NELL2: variants seen among roughly 807,000 people sequenced by gnomAD.
NELL2 encodes the protein neural EGFL like 2.
NELL2 carries 41 observed loss-of-function variants against 109.6 expected under a neutral mutation model. The ratio of observed to expected loss-of-function variants is 0.37; its 90% CI spans 0.29 to 0.49. The LOEUF (loss-of-function observed/expected upper bound fraction) is 0.49, where lower values mean the gene tolerates loss of function less well. Among genes scored for constraint, NELL2 ranks in the 20% least tolerant of loss-of-function variants. The pLI, the probability that NELL2 is intolerant of heterozygous loss-of-function variation, is 0.98. For synonymous variants in NELL2, 355 were observed against 344.7 expected (o/e 1.03, Z -0.33); for missense variants, 900 against 1,008.3 (o/e 0.89, Z 1.45).
chr12:44,578,112 TG>T (rs1245416951), intron 15 of NELL2, among the ~76,000 whole-genome samples: 2 of 152,150 alleles, frequency 1.3e-5, no homozygotes, highest in Non-Finnish European at 2.9e-5. Flanking sequence ...TTGAAGTAAA[TG>T]GTTGTTTTAA....
chr12:44,909,085 T>C (rs1169516341), intron 1 of NELL2, among the ~76,000 whole-genome samples: 1 of 151,758 alleles, frequency 6.6e-6, no homozygotes, highest in Non-Finnish European at 1.5e-5. Context: ...GATAGAGCAA[T>C]CAGGCAAGAG....
intron 3 of NELL2, among the ~76,000 whole-genome samples, chr12:44,802,310 G>GA (rs1283538518): frequency 2.6e-5 from 4 of 151,826 alleles, no homozygotes; most frequent in African/African-American, 9.7e-5. Context: ...TATAAATATT[G>GA]AAAAAACAAG....
At chr12:44,687,093 G>GA (rs1948744612) in intron 12 of NELL2, among the ~76,000 whole-genome samples, 3 of 152,208 alleles carry the variant, frequency 2.0e-5, no homozygotes, top group African/African-American at 4.8e-5. Context: ...CCAAGTGGGG[G>GA]ATATAATCTC....
At chr12:44,651,013 G>C (rs544050879) in intron 13 of NELL2, among the ~76,000 whole-genome samples, 1 of 152,366 alleles carries the variant, frequency 6.6e-6, no homozygotes, top group African/African-American at 2.4e-5. Flanking sequence ...GGGCCACACA[G>C]CAGGAGGTGA....
intron 9 of NELL2, among the ~76,000 whole-genome samples, chr12:44,758,200 A>C (rs1433885004): frequency 6.6e-6 from 1 of 152,058 alleles, no homozygotes; most frequent in Non-Finnish European, 1.5e-5. Context: ...TCATTTGGGG[A>C]ATTTTTTATC....
chr12:44,707,675 G>A (rs1312840518), intron 11 of NELL2, among the ~76,000 whole-genome samples: 4 of 151,964 alleles, frequency 2.6e-5, no homozygotes, highest in Non-Finnish European at 4.4e-5. Context: ...TAATACCAAC[G>A]GATTTCTTTT....
intron 15 of NELL2, among the ~76,000 whole-genome samples, chr12:44,591,173 G>A (rs1385346493): frequency 7.2e-5 from 11 of 152,138 alleles, no homozygotes; most frequent in Non-Finnish European, 1.6e-4. Context: ...ATACACTGCC[G>A]TTGGGAATAT....
At chr12:44,780,051 A>G (rs773588429) in intron 3 of NELL2, 29 bp from the exon 4 acceptor site, 11 of 1,604,166 alleles carry the variant, frequency 6.9e-6, no homozygotes, top group Admixed American at 3.4e-5. Flanking sequence ...CATGGGACAC[A>G]TTAAAAATAA....
At position 44,546,791 on chromosome 12, in the gene NELL2, C is replaced by T. The variant is rs141997752; in HGVS notation, c.1664-14070G>A. ...AGATCAAAGGAAAAGGTTTTCACTC[C>T]TGAGTATTTGATCTTACAGACTCAG... is the stretch of plus-strand genomic sequence containing the variant. On this transcript the variant is annotated intron_variant, in intron 15 of 19. Coordinates refer to ENST00000429094, the MANE Select transcript of NELL2 (RefSeq NM_001145108.2). Among the ~76,000 whole-genome samples, 159 of 152,184 alleles carry T rather than the reference C, an allele frequency of 1.0e-3. 3 individuals are homozygous for T. The East Asian group carries it at 0.012, about 11-fold the overall frequency.
At chr12:44,879,524 A>G (rs1316239483), upstream of NELL2, among the ~76,000 whole-genome samples, 1 of 152,020 alleles carries the variant, frequency 6.6e-6, no homozygotes, top group Non-Finnish European at 1.5e-5. Context: ...GAAAATCCCC[A>G]GGTGCTAGAA....
chr12:44,579,217 G>A (rs1474337517), intron 15 of NELL2, among the ~76,000 whole-genome samples: 2 of 152,152 alleles, frequency 1.3e-5, no homozygotes, highest in African/African-American at 4.8e-5. Flanking sequence ...CAAACACATG[G>A]GCAACCAAGT....
intron 15 of NELL2, among the ~76,000 whole-genome samples, chr12:44,591,347 T>C (rs960621308): frequency 6.6e-6 from 1 of 152,118 alleles, no homozygotes; most frequent in Admixed American, 6.5e-5. Context: ...GCAGCACTAT[T>C]CACAATAGCC....
chr12:44,642,989 C>T (rs1011046484), intron 13 of NELL2, among the ~76,000 whole-genome samples: 5 of 152,228 alleles, frequency 3.3e-5, no homozygotes, highest in Non-Finnish European at 5.9e-5. Context: ...TCCACACATA[C>T]ACACATTTAA....
intron 15 of NELL2, among the ~76,000 whole-genome samples, chr12:44,581,119 A>G (rs567365350): frequency 5.9e-5 from 9 of 152,252 alleles, no homozygotes; most frequent in African/African-American, 2.2e-4. Context: ...CATGCATATA[A>G]TTTCAGGCCT....
chr12:44,852,397 A>G (rs532400412), intron 2 of NELL2, among the ~76,000 whole-genome samples: 3 of 152,224 alleles, frequency 2.0e-5, no homozygotes, highest in African/African-American at 4.8e-5. Flanking sequence ...GAAAGTCTAA[A>G]ATGAGGTAGC....
At chr12:44,824,531 G>A (rs1256383780) in intron 2 of NELL2, among the ~76,000 whole-genome samples, 3 of 151,950 alleles carry the variant, frequency 2.0e-5, no homozygotes, top group Non-Finnish European at 4.4e-5. Flanking sequence ...TATGCTGTTG[G>A]CACTTTTGTT....
chr12:44,538,884 C>T (rs1292875169), intron 15 of NELL2, among the ~76,000 whole-genome samples: 1 of 152,116 alleles, frequency 6.6e-6, no homozygotes, highest in Non-Finnish European at 1.5e-5. Context: ...CTTTTGGTTA[C>T]TAGAGTCTTA....
chr12:44,788,893 C>T (rs898331289), intron 3 of NELL2, among the ~76,000 whole-genome samples: 2 of 151,976 alleles, frequency 1.3e-5, no homozygotes, highest in African/African-American at 4.8e-5. Flanking sequence ...GCCAGCTTTC[C>T]CCCACTTCCC....
In NELL2 at chr12:44,863,491, G is replaced by C. The variant is rs75400174; in HGVS notation, c.184+11734C>G. On this transcript the variant is annotated intron_variant, in intron 2 of 19. Coordinates refer to ENST00000429094, the MANE Select transcript of NELL2 (RefSeq NM_001145108.2). ...CAGAAGTCTTACAGACGAGGAGAGA[G>C]CTGGGTGATATTAAAATTGTAGAAG... Among the ~76,000 whole-genome samples the C allele has an allele frequency of 8.2e-3, 1,231 of 149,480 alleles. 16 individuals carry two copies. The highest frequency in any genetic ancestry group is 0.029 in the African/African-American group (1,173 of 40,450).
Sources: allele counts gnomAD v4.1 joint callset (sites outside exome capture counted in the v4.1 genomes callset), GRCh38; gene constraint gnomAD v4.1.1; transcripts MANE v1.5; gene names NCBI Gene and HGNC (gene_info 2026-07-23, HGNC 2026-07-21).